SPIRE2: variants seen among roughly 807,000 people sequenced by gnomAD.
SPIRE2 encodes the protein spire type actin nucleation factor 2, also known as protein spire homolog 2.
A neutral mutation model predicts 80.7 loss-of-function variants in SPIRE2; 76 were observed. That is an observed-to-expected ratio of 0.94 (90% confidence interval 0.78 to 1.14). The LOEUF is 1.14. SPIRE2 is among the 50% of genes most tolerant of loss of function. SPIRE2 has a pLI of 0.00. For synonymous variants in SPIRE2, 535 were observed against 432.6 expected, an observed-to-expected ratio of 1.24 and a Z score of -2.94; for missense variants, 1,196 against 1,015.3, an observed-to-expected ratio of 1.18 and a Z score of -2.42.
In SPIRE2 at chr16:89,863,671, A is replaced by G. The variant is rs1186100438; in HGVS notation, c.1710+61A>G. The G allele has an allele frequency of 6.2e-7, 1 of 1,613,278 alleles. No individual in the cohort carries two copies. The highest frequency in any genetic ancestry group is 1.7e-5 in the Admixed American group (1 of 59,986). ...CGCTGGGTCAGGGGCGGGTGCCGAG[A>G]GGGCCAGTTCCCAGGACTGTTTGCT... is the stretch of plus-strand genomic sequence containing the variant. On this transcript the variant is annotated intron_variant, in intron 11 of 14. Transcript: ENST00000378247. The surrounding 1 kb of genome is among the most constrained non-coding windows in gnomAD (Gnocchi z 4.3).
chr16:89,836,296 G>T (rs966137798), intron 1 of SPIRE2: 2 of 455,588 alleles, frequency 4.4e-6, no homozygotes, highest in East Asian at 1.4e-4. Flanking sequence ...AGCTCCTCTC[G>T]GTACATGCTC....
chr16:89,850,906 G>A (rs1278793054), intron 3 of SPIRE2, among the ~76,000 whole-genome samples: 5 of 151,946 alleles, frequency 3.3e-5, no homozygotes, highest in African/African-American at 4.8e-5. Flanking sequence ...GCTCGATCTC[G>A]GCTCACTGCA....
At chr16:89,869,053 A>AAAATATATATATATATATATAT in intron 13 of SPIRE2, among the ~76,000 whole-genome samples, 1 of 24,030 alleles carries the variant, frequency 4.2e-5, no homozygotes, top group African/African-American at 1.6e-4. Context: ...AAAAAAAAAA[A>AAAATATATATATATATATATAT]ATATATATAT....
chr16:89,859,076 C>A, intron 8 of SPIRE2, 89 bp from the exon 9 acceptor site: 1 of 1,240,024 alleles, frequency 8.1e-7, no homozygotes, highest in Non-Finnish European at 1.1e-6. Context: ...GACCCTGCGG[C>A]ACCCCTGGGT....
Position 89,863,891 on chromosome 16 carries a change from A to G in SPIRE2, c.1778+30A>G. 2 of 1,591,230 alleles carry G rather than the reference A, an allele frequency of 1.3e-6. No individual in the cohort carries two copies. Among genetic ancestry groups the G allele is most frequent in the East Asian group, 4.5e-5 (2 of 44,768 alleles). Reference sequence around the variant, plus strand: ...GCCTTCCCTTTAGCTGTCAGTTCACAAGGGAAGGAGGAGGCGAGAAACCTC... The same window carrying G: ...GCCTTCCCTTTAGCTGTCAGTTCACGAGGGAAGGAGGAGGCGAGAAACCTC... On this transcript the variant is annotated intron_variant, in intron 12 of 14. Transcript: ENST00000378247. The surrounding 1 kb of genome is among the most constrained non-coding windows in gnomAD (Gnocchi z 4.3).
At chr16:89,832,517 T>C (rs2041395942) in intron 1 of SPIRE2, among the ~76,000 whole-genome samples, 1 of 152,100 alleles carries the variant, frequency 6.6e-6, no homozygotes, top group Non-Finnish European at 1.5e-5. Context: ...AGGACACTTC[T>C]GCTTGGAATG....
intron 1 of SPIRE2, among the ~76,000 whole-genome samples, chr16:89,838,823 C>G (rs139077396): frequency 6.6e-6 from 1 of 152,326 alleles, no homozygotes; most frequent in African/African-American, 2.4e-5. Context: ...GCTCCCCTCT[C>G]TTTTCCTCAG....
Position 89,828,973 on chromosome 16 carries a change from C to T in SPIRE2, c.244+179C>T, listed in dbSNP as rs574046501. Among the ~76,000 whole-genome samples the T allele has an allele frequency of 2.6e-5, 4 of 152,350 alleles. No individual in the cohort carries two copies. The highest frequency in any genetic ancestry group is 4.4e-5 in the Non-Finnish European group (3 of 68,028). The stretch of plus-strand genomic sequence containing the variant: ...TCCGTCCCTCTTTCCCTCTCTCTTT[C>T]CTCCCTCCTTCTCTCCCTCCTTCCT... On this transcript the variant is annotated intron_variant, in intron 1 of 14. Transcript: ENST00000378247. The surrounding 1 kb of genome is among the most constrained non-coding windows in gnomAD (Gnocchi z 5.9).
In SPIRE2 at chr16:89,828,579, CCG is replaced by C. The variant is rs909697836; in HGVS notation, c.32_33del (p.Ala11GlyfsTer136). Reference sequence around the variant, plus strand: ...GCCCGGGCGGGCAGCTGCGGCGGCGCCGCGGCGGGCGCAGGGCGGCCGGAGCC... The same window carrying C: ...GCCCGGGCGGGCAGCTGCGGCGGCGCCGGCGGGCGCAGGGCGGCCGGAGCC... On this transcript the variant is annotated frameshift_variant, in exon 1 of 15. Coordinates refer to ENST00000378247, the MANE Select transcript of SPIRE2 (RefSeq NM_032451.2). LOFTEE classifies it high-confidence loss of function. The surrounding 1 kb of genome is among the most constrained non-coding windows in gnomAD (Gnocchi z 5.9). 8.9e-5 allele frequency: 104 copies of C among 1,169,882 alleles called. No individual in the cohort carries two copies. Among genetic ancestry groups the C allele is most frequent in the Admixed American group, 3.3e-4 (7 of 21,244 alleles). The allele number at this position is 1,169,882 out of a possible 1,614,324, so 72.5% of individuals were successfully genotyped here. A position where few individuals can be genotyped will look rare whatever the true frequency, so the allele number is the denominator to read the frequency against.
chr16:89,835,374 C>T (rs57028875), intron 1 of SPIRE2, among the ~76,000 whole-genome samples: 605 of 152,288 alleles, frequency 4.0e-3, no homozygotes, highest in African/African-American at 0.014. Flanking sequence ...AATGTGGCCC[C>T]GTCCTCACTG....
At chr16:89,848,262 G>C (rs1264977566) in intron 2 of SPIRE2, among the ~76,000 whole-genome samples, 1 of 152,246 alleles carries the variant, frequency 6.6e-6, no homozygotes, top group Non-Finnish European at 1.5e-5. Context: ...TGCTGTCACT[G>C]GTCGGGTGTG....
intron 2 of SPIRE2, among the ~76,000 whole-genome samples, chr16:89,849,449 C>T (rs1003773639): frequency 3.3e-5 from 5 of 152,256 alleles, no homozygotes; most frequent in African/African-American, 9.6e-5. Context: ...ATAAGGAGTG[C>T]TGTCGTTATA....
chr16:89,855,189 C>T (rs370478794), intron 5 of SPIRE2, among the ~76,000 whole-genome samples: 1 of 152,142 alleles, frequency 6.6e-6, no homozygotes, highest in African/African-American at 2.4e-5. Flanking sequence ...CTGCCCACCT[C>T]GGCCTCCCAA....
intron 1 of SPIRE2, among the ~76,000 whole-genome samples, chr16:89,840,110 G>A (rs1030698113): frequency 1.7e-4 from 26 of 152,156 alleles, no homozygotes; most frequent in Non-Finnish European, 2.9e-4. Context: ...GCAGATGGAG[G>A]CTGAGGCTGC....
chr16:89,829,468 T>C (rs1352027593), intron 1 of SPIRE2, among the ~76,000 whole-genome samples: 1 of 152,224 alleles, frequency 6.6e-6, no homozygotes, highest in Non-Finnish European at 1.5e-5. Context: ...GCTGGAGTGC[T>C]GGCTTGGAGC....
rs2143767907 is a variant in SPIRE2, at chr16:89,828,722, C to A, written c.172C>A (p.Arg58Ser). 2 of 1,253,398 alleles carry A rather than the reference C, an allele frequency of 1.6e-6. No homozygotes were observed. The highest frequency in any genetic ancestry group is 2.9e-5 in the South Asian group (1 of 34,634). The allele number at this position is 1,253,398 out of a possible 1,614,324, so 77.6% of individuals were successfully genotyped here. ...CGGGCTGCGGGGCTCGCCGGGCCGG[C>A]GCCTGCGGGATACCGGGGACCTCCT... ...CRGLRGSPGR[R>S]LRDTGDLLLR... is the part of the protein sequence containing the mutation. The change falls in exon 1 of 15, where the codon CGC becomes AGC. Residue 58 changes from arginine (R) to serine (S), a missense_variant. Arg to Ser is a moderately radical substitution (Grantham distance 110, BLOSUM62 -1). Transcript: ENST00000378247. This position sits in a 1 kb window ranked among gnomAD's most constrained non-coding sequence, Gnocchi z 5.9.
chr16:89,850,357 C>A lies in SPIRE2; in HGVS notation c.342C>A (p.Asp114Glu), dbSNP rs372332983. 6.3e-7 allele frequency: 1 copy of A among 1,599,638 alleles called. No homozygotes were observed. Among genetic ancestry groups the A allele is most frequent in the Non-Finnish European group, 8.5e-7 (1 of 1,174,940 alleles). Residue 114 changes from aspartate (D) to glutamate (E), a missense_variant, in exon 3 of 15, where the codon GAC becomes GAA. By Grantham distance (45) the Asp-to-Glu change is conservative. Coordinates refer to ENST00000378247, the MANE Select transcript of SPIRE2 (RefSeq NM_032451.2). Reference protein sequence around the residue: ...AIYRALDWGLDESEERELSPQ... With the variant: ...AIYRALDWGLEESEERELSPQ... ...ACCGCGCGCTGGACTGGGGGCTGGACGAGAGCGAGGAGCGCGAACTCAGCC... is the reference window on the plus strand; with the variant it reads ...ACCGCGCGCTGGACTGGGGGCTGGAAGAGAGCGAGGAGCGCGAACTCAGCC...
In SPIRE2 at chr16:89,860,744, G is replaced by A. The variant is rs942174051; in HGVS notation, c.1524G>A (p.Ser508=). 5 of 1,584,198 alleles carry A rather than the reference G, an allele frequency of 3.2e-6. No homozygotes were observed. Among genetic ancestry groups the A allele is most frequent in the Admixed American group, 1.8e-5 (1 of 56,114 alleles). ...CCCTACTCAGCAACCGGGGCTCCTC[G>A]GGGGACAGACCCGAGGCCTCCATGA... ...SHPLLSNRGS[S]GDRPEASMTP... Residue 508 remains serine (S), a synonymous_variant, in exon 10 of 15, where the codon TCG becomes TCA. Coordinates refer to ENST00000378247, the MANE Select transcript of SPIRE2 (RefSeq NM_032451.2).
At chr16:89,843,672 TTTTTTTTTGTTTGTTTTTG>T (rs1420215739) in intron 1 of SPIRE2, among the ~76,000 whole-genome samples, 30 of 55,214 alleles carry the variant, frequency 5.4e-4, no homozygotes, top group South Asian at 2.7e-3. Flanking sequence ...GCCACGTTTT[TTTTTTTTTGTTTGTTTTTG>T]TTTTTTGTTT....
Sources: gnomAD v4.1 joint callset for allele counts (sites outside exome capture counted in the v4.1 genomes callset) on GRCh38, gnomAD v4.1.1 for gene constraint, Gnocchi (gnomAD v3.1) non-coding constraint, MANE v1.5 for transcripts, NCBI Gene and HGNC (gene_info 2026-07-23, HGNC 2026-07-21) for gene names.